MYO10: variants seen among roughly 807,000 people sequenced by gnomAD.
The protein encoded by MYO10 is myosin X, also known as unconventional myosin-X.
A neutral mutation model predicts 257.3 loss-of-function variants in MYO10; 133 were observed. The observed-to-expected ratio is 0.52, with a 90% confidence interval of 0.45 to 0.60. The LOEUF (loss-of-function observed/expected upper bound fraction) is 0.60, where lower values mean the gene tolerates loss of function less well. MYO10 is among the 20% of genes least tolerant of loss of function. The probability of loss-of-function intolerance (pLI) is 0.00; values close to 1 mark genes in which losing one functional copy is unlikely to be tolerated. For missense variants in MYO10, 2,399 were observed against 2,635.7 expected, an observed-to-expected ratio of 0.91 and a Z score of 1.97; for synonymous variants, 1,104 against 1,028.6, an observed-to-expected ratio of 1.07 and a Z score of -1.40.
At chr5:16,753,079 C>T (rs1740426289) in intron 19 of MYO10, among the ~76,000 whole-genome samples, 1 of 152,134 alleles carries the variant, frequency 6.6e-6, no homozygotes, top group South Asian at 2.1e-4. Context: ...ACAAACTGAA[C>T]AGGTTATTTT....
At chr5:16,868,237 C>A (rs1744341759) in intron 2 of MYO10, among the ~76,000 whole-genome samples, 1 of 152,226 alleles carries the variant, frequency 6.6e-6, no homozygotes, top group Non-Finnish European at 1.5e-5. Flanking sequence ...CCAGAAAAGA[C>A]AAACGTTTAG....
At chr5:16,841,077 G>C (rs185441282) in intron 2 of MYO10, among the ~76,000 whole-genome samples, 1 of 151,516 alleles carries the variant, frequency 6.6e-6, no homozygotes, top group Admixed American at 6.6e-5. Context: ...CCTGGAAAGC[G>C]GAGATTGCAG....
intron 3 of MYO10, among the ~76,000 whole-genome samples, chr5:16,801,954 G>A (rs33404): frequency 0.45 from 68,774 of 152,006 alleles, 15,717 homozygotes; most frequent in Non-Finnish European, 0.47. Context: ...CCCTGAAAGG[G>A]ATGGAAATTC....
At chr5:16,841,636 C>T (rs1323415089) in intron 2 of MYO10, among the ~76,000 whole-genome samples, 1 of 152,186 alleles carries the variant, frequency 6.6e-6, no homozygotes, top group African/African-American at 2.4e-5. Context: ...GCTCCACAGA[C>T]CATCACAACG....
rs1561000786 is a variant in MYO10 at position 16,818,390 on chromosome 5, G to GTATATATATATA, written c.121-224_121-223insTATATATATATA. On this transcript the variant is annotated intron_variant, in intron 2 of 40. Transcript: ENST00000513610. ...TGTGTGTGTGTGTGTGCGTGTGTGTGTGTGTGTGTGTGTGTGTGTGTATAT... is the reference window on the plus strand; with the variant it reads ...TGTGTGTGTGTGTGTGCGTGTGTGTGTATATATATATATGTGTGTGTGTGTGTGTGTGTATAT... Among the ~76,000 whole-genome samples the GTATATATATATA allele has an allele frequency of 2.3e-3, 220 of 94,004 alleles. 2 individuals carry two copies. The highest frequency in any genetic ancestry group is 0.011 in the African/African-American group (209 of 19,552). 61.7% of individuals were successfully genotyped at this position (94,004 alleles called of 152,430 possible). A position where few individuals can be genotyped will look rare whatever the true frequency, so the allele number is the denominator to read the frequency against.
intron 2 of MYO10, among the ~76,000 whole-genome samples, chr5:16,859,519 G>C (rs189967089): frequency 6.6e-6 from 1 of 152,274 alleles, no homozygotes; most frequent in Admixed American, 6.5e-5. Flanking sequence ...GCTGAGGCAG[G>C]AGGATCATTT....
intron 9 of MYO10, among the ~76,000 whole-genome samples, chr5:16,771,531 GAACT>G (rs1198289638): frequency 1.4e-5 from 2 of 146,612 alleles, no homozygotes; most frequent in Admixed American, 1.4e-4. Flanking sequence ...CCAAATCTAG[GAACT>G]TACTATTATG....
intron 2 of MYO10, among the ~76,000 whole-genome samples, chr5:16,826,311 T>C (rs1214895219): frequency 1.3e-5 from 2 of 152,206 alleles, no homozygotes; most frequent in Non-Finnish European, 1.5e-5. Context: ...TCTGGCCCAG[T>C]ATTTTCTCCG....
chr5:16,858,144 C>T (rs561071029), intron 2 of MYO10, among the ~76,000 whole-genome samples: 3 of 152,202 alleles, frequency 2.0e-5, no homozygotes, highest in South Asian at 2.1e-4. Flanking sequence ...GATAAGAGGC[C>T]GATGAATGGG....
rs36097603 is a variant in MYO10, at chr5:16,842,926, GA to G, written c.121-24760del. Reference sequence around the variant, plus strand: ...AAAAAGAGAGAGAAAAAAGAAAAAGGAAAAAAAAAAAAAAAGGAACTTTGAA... The same window carrying G: ...AAAAAGAGAGAGAAAAAAGAAAAAGGAAAAAAAAAAAAAAGGAACTTTGAA... On this transcript the variant is annotated intron_variant, in intron 2 of 40. Coordinates refer to ENST00000513610, the MANE Select transcript of MYO10 (RefSeq NM_012334.3). Among the ~76,000 whole-genome samples, 767 of 125,362 alleles carry G rather than the reference GA, an allele frequency of 6.1e-3. 3 individuals carry two copies. Among genetic ancestry groups the G allele is most frequent in the Middle Eastern group, 0.024 (6 of 254 alleles). 82.2% of individuals were successfully genotyped at this position (125,362 alleles called of 152,430 possible).
At chr5:16,864,242 G>A (rs12659757) in intron 2 of MYO10, among the ~76,000 whole-genome samples, 49 of 150,614 alleles carry the variant, frequency 3.3e-4, no homozygotes, top group East Asian at 2.2e-3. Flanking sequence ...TGAAGCATGC[G>A]CCATTCTGAT....
rs1240102238 is a variant in MYO10, at chr5:16,910,426, T to A, written c.21+25362A>T. ...AGGTCAGAGATCCACCCAGGTCTTC[T>A]GCCCTTTATTCCATAGTGTGACATC... On this transcript the variant is annotated intron_variant, in intron 1 of 40. Coordinates refer to ENST00000513610, the MANE Select transcript of MYO10 (RefSeq NM_012334.3). 2.6e-5 allele frequency among the ~76,000 whole-genome samples: 4 copies of A among 152,214 alleles called. No homozygotes were observed. In the East Asian group the frequency reaches 7.7e-4, roughly 29 times the overall value.
In MYO10 at chr5:16,821,469, T is replaced by C. The variant is rs1472804630; in HGVS notation, c.121-3302A>G. On this transcript the variant is annotated intron_variant, in intron 2 of 40. Transcript: ENST00000513610. ...TTTTTTTTTTTTTTTTTTTTTTTTT[T>C]TTTTTTTTTTTTTTTGAGACGGAGT... Among the ~76,000 whole-genome samples, 4 of 31,676 alleles carry C rather than the reference T, an allele frequency of 1.3e-4. 1 individual carries two copies. The highest frequency in any genetic ancestry group is 3.5e-4 in the Non-Finnish European group (4 of 11,468). 20.8% of individuals were successfully genotyped at this position (31,676 alleles called of 152,430 possible).
At chr5:16,820,451 A>G (rs1189123458) in intron 2 of MYO10, among the ~76,000 whole-genome samples, 1 of 152,140 alleles carries the variant, frequency 6.6e-6, no homozygotes, top group South Asian at 2.1e-4. Context: ...AGTAGGGCCC[A>G]TGCCACCTGC....
chr5:16,842,233 T>A (rs973549954), intron 2 of MYO10, among the ~76,000 whole-genome samples: 2 of 152,202 alleles, frequency 1.3e-5, no homozygotes, highest in African/African-American at 2.4e-5. Flanking sequence ...TATGCTTGCC[T>A]GACCTTTGCT....
intron 1 of MYO10, among the ~76,000 whole-genome samples, chr5:16,889,193 A>C (rs929067134): frequency 6.9e-6 from 1 of 144,028 alleles, no homozygotes; most frequent in African/African-American, 2.5e-5. Context: ...AAAATTTAAA[A>C]AAAAAAAAAA....
intron 1 of MYO10, among the ~76,000 whole-genome samples, chr5:16,926,973 A>C (rs1243938155): frequency 6.6e-6 from 1 of 152,244 alleles, no homozygotes; most frequent in Non-Finnish European, 1.5e-5. Flanking sequence ...TCAGCAATAA[A>C]ACCCATAGCT....
intron 2 of MYO10, among the ~76,000 whole-genome samples, chr5:16,841,936 G>T (rs573068347): frequency 7.1e-6 from 1 of 140,034 alleles, no homozygotes; most frequent in Admixed American, 7.8e-5. Context: ...ATTTCCTGCT[G>T]AGATTAGCAC....
At chr5:16,830,203 T>C (rs532541001) in intron 2 of MYO10, among the ~76,000 whole-genome samples, 11 of 151,178 alleles carry the variant, frequency 7.3e-5, no homozygotes, top group Admixed American at 7.3e-4. Flanking sequence ...GCCACTGCAC[T>C]CCAGCCTGGG....
Sources: allele counts gnomAD v4.1 joint callset (sites outside exome capture counted in the v4.1 genomes callset), GRCh38; gene constraint gnomAD v4.1.1; transcripts MANE v1.5; gene names NCBI Gene and HGNC (gene_info 2026-07-23, HGNC 2026-07-21).